Variants in QTGAL observed in about 807,000 individuals in gnomAD.
The protein encoded by QTGAL is BGnT-like protein 1.
chr17:83,035,030 C>T, the QTGAL span: 1 of 1,597,292 alleles, frequency 6.3e-7, no homozygotes, highest in Non-Finnish European at 8.6e-7. Flanking sequence ...AAGAAAGTTA[C>T]TTACCGAATC....
chr17:82,962,286 A>C, the QTGAL span, among the ~76,000 whole-genome samples: 1 of 152,242 alleles, frequency 6.6e-6, no homozygotes, highest in Non-Finnish European at 1.5e-5. Context: ...CCGCCTCTCC[A>C]GGGCGATCCC....
the QTGAL span, chr17:82,946,800 TAGAATA>T: frequency 1.7e-6 from 2 of 1,205,140 alleles, no homozygotes; most frequent in Non-Finnish European, 2.3e-6. Context: ...TAAAGAAAAT[TAGAATA>T]AGAGCAGAAT....
chr17:82,945,658 G>A, the QTGAL span: 1 of 152,188 alleles, frequency 6.6e-6, no homozygotes, highest in Non-Finnish European at 1.5e-5. Flanking sequence ...TTGGGGTTGA[G>A]TCATTTGTTT....
At chr17:83,022,248 C>G in the QTGAL span, among the ~76,000 whole-genome samples, 1 of 152,326 alleles carries the variant, frequency 6.6e-6, no homozygotes, top group East Asian at 1.9e-4. Context: ...CCCACGTACA[C>G]CAGTGTGAAC....
At chr17:82,964,342 AAATTT>A in the QTGAL span, among the ~76,000 whole-genome samples, 1 of 151,946 alleles carries the variant, frequency 6.6e-6, no homozygotes, top group East Asian at 1.9e-4. Context: ...TTTTAATTAA[AAATTT>A]AATAAGGGAC....
At chr17:83,025,192 A>G in the QTGAL span, among the ~76,000 whole-genome samples, 1 of 134,152 alleles carries the variant, frequency 7.5e-6, no homozygotes, top group East Asian at 2.3e-4. Context: ...CACCGCGGAG[A>G]GTCCACACAC....
the QTGAL span, among the ~76,000 whole-genome samples, chr17:83,037,338 CAG>C: frequency 1.3e-5 from 2 of 152,338 alleles, no homozygotes; most frequent in East Asian, 1.9e-4. This position sits in a 1 kb window ranked among gnomAD's most constrained non-coding sequence, Gnocchi z 5.2. Context: ...GCGAGACGCA[CAG>C]AGTCTCCCAC....
the QTGAL span, among the ~76,000 whole-genome samples, chr17:83,010,990 G>A: frequency 1.3e-4 from 20 of 152,366 alleles, no homozygotes; most frequent in African/African-American, 3.6e-4. Context: ...GCTGTACCCC[G>A]AGGACTGGTC....
the QTGAL span, among the ~76,000 whole-genome samples, chr17:82,958,477 G>C: frequency 4.6e-5 from 7 of 152,154 alleles, no homozygotes; most frequent in African/African-American, 1.7e-4. Flanking sequence ...GTTCAGCCTC[G>C]GGATCGGGGC....
chr17:83,007,287 G>A, the QTGAL span: 4 of 985,142 alleles, frequency 4.1e-6, no homozygotes, highest in South Asian at 4.7e-5. Flanking sequence ...CCTGCCCAGC[G>A]AGTTTTCCCC....
At chr17:83,005,125 A>G in the QTGAL span, 2 of 1,607,020 alleles carry the variant, frequency 1.2e-6, no homozygotes, top group African/African-American at 1.3e-5. The surrounding 1 kb of genome is among the most constrained non-coding windows in gnomAD (Gnocchi z 5.6). Context: ...CTGGGTTAGG[A>G]GCTGCTCCGG....
the QTGAL span, among the ~76,000 whole-genome samples, chr17:83,028,498 C>G: frequency 7.1e-6 from 1 of 140,670 alleles, no homozygotes; most frequent in Non-Finnish European, 1.5e-5. Flanking sequence ...GCACTCCAGC[C>G]TGGGCGACAG....
the QTGAL span, among the ~76,000 whole-genome samples, chr17:83,024,143 G>A: frequency 6.8e-5 from 10 of 146,364 alleles, no homozygotes; most frequent in Admixed American, 2.7e-4. Context: ...GGTTCCAGGC[G>A]TCCACTCCTG....
the QTGAL span, among the ~76,000 whole-genome samples, chr17:82,973,327 T>C: frequency 3.0e-4 from 45 of 152,316 alleles, 2 homozygotes; most frequent in East Asian, 7.3e-3. Flanking sequence ...AATTTCATGA[T>C]TGATAATTGA....
the QTGAL span, among the ~76,000 whole-genome samples, chr17:83,004,590 T>C: frequency 2.2e-4 from 24 of 108,184 alleles, no homozygotes; most frequent in East Asian, 5.9e-4. Flanking sequence ...TCCCACTCTC[T>C]GCAGTCCGCA....
the QTGAL span, among the ~76,000 whole-genome samples, chr17:82,959,002 A>G: frequency 1.3e-4 from 5 of 39,616 alleles, no homozygotes; most frequent in African/African-American, 2.7e-4. Flanking sequence ...GTGTGTGTGT[A>G]TACTGTGTGG....
chr17:82,965,349 C>T, the QTGAL span, among the ~76,000 whole-genome samples: 1 of 152,182 alleles, frequency 6.6e-6, no homozygotes, highest in Admixed American at 6.5e-5. Flanking sequence ...CTTCCGTGTC[C>T]TGCGCTTTCC....
chr17:83,038,438 A>G, the QTGAL span, among the ~76,000 whole-genome samples: 2 of 152,228 alleles, frequency 1.3e-5, no homozygotes, highest in Admixed American at 1.3e-4. Flanking sequence ...CTTTATGAAA[A>G]GCAAAATGTT....
At chr17:82,957,261 C>T in the QTGAL span, 1 of 1,614,048 alleles carries the variant, frequency 6.2e-7, no homozygotes, top group African/African-American at 1.3e-5. Context: ...TGGGGACAAG[C>T]ACAGAAGGGC....
Sources: allele counts gnomAD v4.1 joint callset (sites outside exome capture counted in the v4.1 genomes callset), GRCh38; gene constraint gnomAD v4.1.1; non-coding constraint Gnocchi (gnomAD v3.1); transcripts MANE v1.5; gene names NCBI Gene and HGNC (gene_info 2026-07-23, HGNC 2026-07-21).